The following EHBP1 variants were observed in gnomAD, a reference collection of about 807,000 sequenced individuals.
The protein encoded by EHBP1 is EH domain-binding protein 1.
In EHBP1, 55 loss-of-function variants were observed where a neutral mutation model predicts 144.0. The ratio of observed to expected loss-of-function variants is 0.38; its 90% confidence interval spans 0.31 to 0.48. EHBP1 has a LOEUF of 0.48. Among genes scored for constraint, EHBP1 ranks in the 20% least tolerant of loss-of-function variants. The pLI is 0.98. For synonymous variants in EHBP1, 469 were observed against 472.7 expected, an observed-to-expected ratio of 0.99 and a Z score of 0.10; for missense variants, 1,200 against 1,364.2, an observed-to-expected ratio of 0.88 and a Z score of 1.90.
chr2:62,899,128 CT>C (rs1234279645), intron 10 of EHBP1, among the ~76,000 whole-genome samples: 6 of 152,282 alleles, frequency 3.9e-5, no homozygotes, highest in Non-Finnish European at 7.4e-5. Flanking sequence ...TCAGAAGGTG[CT>C]GGCTTGTTGA....
intron 10 of EHBP1, among the ~76,000 whole-genome samples, chr2:62,885,175 T>A (rs2051822935): frequency 6.6e-6 from 1 of 152,188 alleles, no homozygotes. Flanking sequence ...GATGATTGAT[T>A]TCTCCACCTA....
At position 62,943,363 on chromosome 2, in the gene EHBP1, C is replaced by T. The variant is rs1001821453; in HGVS notation, c.1365-439C>T. On this transcript the variant is annotated intron_variant, in intron 11 of 22. Coordinates refer to ENST00000431489, the MANE Select transcript of EHBP1 (RefSeq NM_001142616.3). ...TGCACTCCAGCCTGGGCAACAAGAGCGAAACTCCGTCTCAAAAAAAAAAAA... is the reference window on the plus strand; with the variant it reads ...TGCACTCCAGCCTGGGCAACAAGAGTGAAACTCCGTCTCAAAAAAAAAAAA... Among the ~76,000 whole-genome samples the T allele has an allele frequency of 2.6e-4, 28 of 108,036 alleles. No individual in the cohort carries two copies. The South Asian group carries it at 3.0e-3, about 12-fold the overall frequency. 70.9% of individuals were successfully genotyped at this position (108,036 alleles called of 152,430 possible).
chr2:63,044,371 A>C (rs527687318), intron 21 of EHBP1: 1 of 152,182 alleles, frequency 6.6e-6, no homozygotes, highest in South Asian at 2.1e-4. Context: ...TTCCTTTGCA[A>C]AAGTGCTTTG....
intron 15 of EHBP1, among the ~76,000 whole-genome samples, chr2:62,986,227 G>A (rs2059182119): frequency 6.6e-6 from 1 of 152,178 alleles, no homozygotes; most frequent in Non-Finnish European, 1.5e-5. Flanking sequence ...TGAGGATAGT[G>A]AAATTGAAGA....
At chr2:62,680,944 G>A (rs2033491181) in intron 1 of EHBP1, among the ~76,000 whole-genome samples, 1 of 152,132 alleles carries the variant, frequency 6.6e-6, no homozygotes, top group Admixed American at 6.5e-5. Context: ...ATCATACTGG[G>A]AGGAAAGGAG....
chr2:63,009,139 A>G (rs2060169749), intron 19 of EHBP1, among the ~76,000 whole-genome samples: 1 of 151,684 alleles, frequency 6.6e-6, no homozygotes, highest in African/African-American at 2.4e-5. Flanking sequence ...CAATGGGGAA[A>G]TCAATTTTAT....
intron 1 of EHBP1, among the ~76,000 whole-genome samples, chr2:62,695,915 G>T (rs558994643): frequency 6.6e-6 from 1 of 151,868 alleles, no homozygotes; most frequent in South Asian, 2.1e-4. Flanking sequence ...GTTTTGACAC[G>T]TTGCTCAGGC....
intron 2 of EHBP1, among the ~76,000 whole-genome samples, chr2:62,729,881 C>T (rs904687413): frequency 6.6e-6 from 1 of 151,670 alleles, no homozygotes; most frequent in Non-Finnish European, 1.5e-5. Flanking sequence ...AGGTTTTTGC[C>T]AAAGTGAGAG....
chr2:62,851,820 T>TCTAGGAGTG lies in EHBP1; in HGVS notation c.635-7349_635-7348insCTAGGAGTG, dbSNP rs879765071. 1.5e-3 allele frequency among the ~76,000 whole-genome samples: 233 copies of TCTAGGAGTG among 152,264 alleles called. 1 individual carries two copies. Among genetic ancestry groups the TCTAGGAGTG allele is most frequent in the Non-Finnish European group, 2.3e-3 (158 of 67,998 alleles). The stretch of plus-strand genomic sequence containing the variant: ...TCTAGGAGTGAAGTAGGGATTTACT[T>TCTAGGAGTG]AAGCTAAGGATAAATGGTGGAAACT... On this transcript the variant is annotated intron_variant, in intron 7 of 22. Coordinates refer to ENST00000431489, the MANE Select transcript of EHBP1 (RefSeq NM_001142616.3).
At chr2:62,881,418 G>GAAAAAAAAAAAAAA (rs371288881) in intron 10 of EHBP1, among the ~76,000 whole-genome samples, 7 of 69,740 alleles carry the variant, frequency 1.0e-4, no homozygotes, top group African/African-American at 1.6e-4. Context: ...AGGAAAAACG[G>GAAAAAAAAAAAAAA]AAAAAAAAAA....
intron 7 of EHBP1, among the ~76,000 whole-genome samples, chr2:62,837,807 G>A (rs928496986): frequency 1.3e-5 from 2 of 152,078 alleles, no homozygotes; most frequent in African/African-American, 2.4e-5. Flanking sequence ...AAATATATAT[G>A]CACCCAATAC....
rs548108846 is a variant in EHBP1 at position 62,948,950 on chromosome 2, T to C, written c.2104T>C (p.Leu702=). The C allele has an allele frequency of 5.0e-6, 8 of 1,613,832 alleles. No individual in the cohort carries two copies. In the Admixed American group the frequency reaches 8.3e-5, roughly 17 times the overall value. ...CGGTAGTAACTTGGAGAAAGAAAAATTAGAGAATTCCAGATCCTTAGAATG... is the reference window on the plus strand; with the variant it reads ...CGGTAGTAACTTGGAGAAAGAAAAACTAGAGAATTCCAGATCCTTAGAATG... The part of the protein sequence containing the change: ...DIGSNLEKEK[L]ENSRSLECRS... Residue 702 remains leucine, a synonymous_variant, in exon 13 of 23, where the codon TTA becomes CTA. Coordinates refer to ENST00000431489, the MANE Select transcript of EHBP1 (RefSeq NM_001142616.3).
Position 63,028,438 on chromosome 2 carries a change from G to T in EHBP1, c.3104-9097G>T, listed in dbSNP as rs138925599. On this transcript the variant is annotated intron_variant, in intron 19 of 22. Coordinates refer to ENST00000431489, the MANE Select transcript of EHBP1 (RefSeq NM_001142616.3). ...GTACGATATTTTAAGGACTTTTAAA[G>T]ATTTTTTTTTTTTAAGAGTTTTGGT... 7.9e-5 allele frequency among the ~76,000 whole-genome samples: 12 copies of T among 151,940 alleles called. No individual in the cohort carries two copies. The East Asian group carries it at 2.3e-3, about 29-fold the overall frequency.
chr2:62,719,399 T>A (rs1211873581), intron 2 of EHBP1, among the ~76,000 whole-genome samples: 1 of 152,222 alleles, frequency 6.6e-6, no homozygotes, highest in East Asian at 1.9e-4. Context: ...CACGTTGATT[T>A]TTCTATTCCA....
At chr2:62,931,111 TA>T (rs2055952299) in intron 10 of EHBP1, among the ~76,000 whole-genome samples, 1 of 152,180 alleles carries the variant, frequency 6.6e-6, no homozygotes, top group Non-Finnish European at 1.5e-5. Context: ...GAGGATATTT[TA>T]AAATAACATA....
chr2:62,758,991 A>G (rs1222176018), intron 3 of EHBP1, among the ~76,000 whole-genome samples: 1 of 152,240 alleles, frequency 6.6e-6, no homozygotes, highest in Non-Finnish European at 1.5e-5. Context: ...ATCAGAAATA[A>G]CGAATGATTG....
chr2:62,881,192 A>G lies in EHBP1; in HGVS notation c.1185+6660A>G, dbSNP rs371292230. Among the ~76,000 whole-genome samples the G allele has an allele frequency of 5.3e-5, 8 of 152,234 alleles. No individual in the cohort carries two copies. The South Asian group carries it at 1.0e-3, about 20-fold the overall frequency. ...ACTTATAAGTAGGAGCTAAACATTA[A>G]GTACACATGGACACAAAGAAGGGAA... On this transcript the variant is annotated intron_variant, in intron 10 of 22. Coordinates refer to ENST00000431489, the MANE Select transcript of EHBP1 (RefSeq NM_001142616.3).
In EHBP1 at chr2:62,890,227, C is replaced by T. The variant is rs116269718; in HGVS notation, c.1185+15695C>T. Among the ~76,000 whole-genome samples the T allele has an allele frequency of 1.4e-3, 215 of 152,176 alleles. 1 individual carries two copies. Among genetic ancestry groups the T allele is most frequent in the African/African-American group, 4.6e-3 (190 of 41,546 alleles). On this transcript the variant is annotated intron_variant, in intron 10 of 22. Coordinates refer to ENST00000431489, the MANE Select transcript of EHBP1 (RefSeq NM_001142616.3). ...CTGGAATTACAAGCATGAGCCACCA[C>T]GCCTAGCCCCATATGAAATTTAAAA...
At chr2:62,971,348 G>C (rs191255296) in intron 14 of EHBP1, among the ~76,000 whole-genome samples, 1 of 151,730 alleles carries the variant, frequency 6.6e-6, no homozygotes, top group Admixed American at 6.6e-5. Flanking sequence ...GGTTGGGAAC[G>C]TAAGTTTTAA....
Sources: gnomAD v4.1 joint callset for allele counts (sites outside exome capture counted in the v4.1 genomes callset) on GRCh38, gnomAD v4.1.1 for gene constraint, MANE v1.5 for transcripts, NCBI Gene and HGNC (gene_info 2026-07-23, HGNC 2026-07-21) for gene names.